Variants in GCM1 observed in about 807,000 individuals in gnomAD.
GCM1 encodes chorion-specific transcription factor GCMa.
A neutral mutation model predicts 25.7 loss-of-function variants in GCM1; 2 were observed. The ratio of observed to expected loss-of-function variants is 0.08; its 90% CI spans 0.03 to 0.24. The LOEUF is 0.24. Ranked by LOEUF, GCM1 falls within the 10% of genes least tolerant of loss-of-function variation. The pLI is 1.00. For missense variants in GCM1, 395 were observed against 538.7 expected (o/e 0.73, Z 2.64); for synonymous variants, 183 against 195.7 (o/e 0.94, Z 0.54).
intron 3 of GCM1, 61 bp downstream of exon 3, chr6:53,134,011 A>G: frequency 6.6e-7 from 1 of 1,516,520 alleles, no homozygotes; most frequent in Non-Finnish European, 9.0e-7. Flanking sequence ...ACAGTGACCC[A>G]TCTGGCAGGG....
At chr6:53,148,653 T>A (rs1172437285) in intron 1 of GCM1, 101 bp downstream of exon 1, 1 of 152,234 alleles carries the variant, frequency 6.6e-6, no homozygotes, top group African/African-American at 2.4e-5. Context: ...TCATCATTTC[T>A]ACAGAAAAAT....
intron 3 of GCM1, 120 bp from the exon 4 acceptor site, chr6:53,132,239 G>A: frequency 1.4e-6 from 1 of 692,830 alleles, no homozygotes; most frequent in South Asian, 1.6e-5. Context: ...TCTGGGCAGA[G>A]TTTCATGGGC....
At chr6:53,147,047 A>G (rs1002632500) in intron 1 of GCM1, among the ~76,000 whole-genome samples, 1 of 152,162 alleles carries the variant, frequency 6.6e-6, no homozygotes, top group African/African-American at 2.4e-5. Flanking sequence ...AAATAAATAA[A>G]TGAATGAATG....
rs746779023 is a variant in GCM1, at chr6:53,130,857, C to A, written c.516G>T (p.Val172=). Residue 172 remains valine (V), a synonymous_variant, in exon 5 of 6, where the codon GTG becomes GTT. Transcript: ENST00000259803. ...EAEARRAMKK[V]NTAPSSVSLS... is the part of the protein sequence containing the mutation. ...ATGAGACGGAGGAAGGTGCTGTGTTCACTTTCTTCATGGCTCTTCTTGCCT... is the reference window on the plus strand; with the variant it reads ...ATGAGACGGAGGAAGGTGCTGTGTTAACTTTCTTCATGGCTCTTCTTGCCT... The A allele has an allele frequency of 3.1e-6, 5 of 1,613,868 alleles. No homozygotes were observed. The highest frequency in any genetic ancestry group is 4.2e-6 in the Non-Finnish European group (5 of 1,179,724).
intron 3 of GCM1, among the ~76,000 whole-genome samples, chr6:53,133,069 A>G (rs1018828306): frequency 2.0e-5 from 3 of 152,226 alleles, no homozygotes; most frequent in African/African-American, 7.2e-5. Flanking sequence ...CATTGAGATC[A>G]CTTAGGGACC....
At chr6:53,139,017 T>C (rs1242256086) in intron 2 of GCM1, among the ~76,000 whole-genome samples, 1 of 152,192 alleles carries the variant, frequency 6.6e-6, no homozygotes, top group Non-Finnish European at 1.5e-5. Context: ...AATATCTACA[T>C]TATCATATGA....
At chr6:53,144,934 T>TAAAA (rs1763931967) in intron 2 of GCM1, among the ~76,000 whole-genome samples, 1 of 64,458 alleles carries the variant, frequency 1.6e-5, no homozygotes. Flanking sequence ...AAAAAAAAAG[T>TAAAA]AGAGGAAGAA....
intron 2 of GCM1, among the ~76,000 whole-genome samples, chr6:53,135,344 G>T (rs1763783699): frequency 6.6e-6 from 1 of 152,158 alleles, no homozygotes; most frequent in African/African-American, 2.4e-5. Flanking sequence ...CAGACACTCA[G>T]TCCTTATAGC....
In GCM1 at chr6:53,128,904, TTAAAGG is replaced by T. The variant is rs1226383225; in HGVS notation, c.607_612del (p.Pro203_Leu204del). On this transcript the variant is annotated inframe_deletion, in exon 6 of 6. Transcript: ENST00000259803. ...TGGACGCCTTCCTGGAAAGACCAAG[TTAAAGG>T]TAAACTCCCCTGACTTTGTGTTTCA... The T allele has an allele frequency of 6.2e-7, 1 of 1,613,234 alleles. No homozygotes were observed. The highest frequency in any genetic ancestry group is 1.1e-5 in the South Asian group (1 of 91,060).
intron 2 of GCM1, among the ~76,000 whole-genome samples, chr6:53,143,826 G>A (rs1389312018): frequency 1.3e-5 from 2 of 151,794 alleles, no homozygotes; most frequent in Non-Finnish European, 2.9e-5. Flanking sequence ...TGGGGTCGGG[G>A]GTGGTGAGAG....
chr6:53,133,566 A>G (rs1015171315), intron 3 of GCM1, among the ~76,000 whole-genome samples: 1 of 151,952 alleles, frequency 6.6e-6, no homozygotes, highest in Non-Finnish European at 1.5e-5. Context: ...ATTATGGCTC[A>G]CTGCAGCCTT....
rs1763652946 is a variant in GCM1 at position 53,127,229 on chromosome 6, A to G, written c.*977T>C. 1 of 152,210 alleles carries G rather than the reference A, an allele frequency of 6.6e-6. No individual in the cohort carries two copies. The highest frequency in any genetic ancestry group is 2.4e-5 in the African/African-American group (1 of 41,432). 9.4% of individuals were successfully genotyped at this position (152,210 alleles called of 1,614,324 possible). ...AAGTCAGTGAGGAAGAGGGAAGGAA[A>G]CAAGAGGCAAGGAGACCACGCACAT... On this transcript the variant is annotated 3_prime_UTR_variant, in exon 6 of 6. Coordinates refer to ENST00000259803, the MANE Select transcript of GCM1 (RefSeq NM_003643.4).
chr6:53,146,584 C>T (rs925716743), intron 1 of GCM1, among the ~76,000 whole-genome samples: 1 of 152,182 alleles, frequency 6.6e-6, no homozygotes, highest in South Asian at 2.1e-4. Flanking sequence ...TGCAATAAAT[C>T]CTGTGCGCAC....
intron 4 of GCM1, 75 bp from the exon 5 acceptor site, chr6:53,131,006 T>G: frequency 7.2e-7 from 1 of 1,383,162 alleles, no homozygotes; most frequent in African/African-American, 1.4e-5. Context: ...TATCAGTTTT[T>G]ATTTACTGTG....
At chr6:53,146,481 A>G (rs1287603622) in intron 1 of GCM1, among the ~76,000 whole-genome samples, 1 of 151,992 alleles carries the variant, frequency 6.6e-6, no homozygotes, top group East Asian at 1.9e-4. Context: ...CGGACTCCCA[A>G]AGTGTTGGGA....
At chr6:53,145,025 GGAA>G (rs1364937753) in intron 2 of GCM1, among the ~76,000 whole-genome samples, 1 of 151,442 alleles carries the variant, frequency 6.6e-6, no homozygotes, top group Non-Finnish European at 1.5e-5. Flanking sequence ...AAAGAAAAAA[GGAA>G]GAAGGCAGGA....
intron 2 of GCM1, among the ~76,000 whole-genome samples, chr6:53,142,165 G>A (rs1292465489): frequency 6.6e-6 from 1 of 151,602 alleles, no homozygotes; most frequent in African/African-American, 2.4e-5. Flanking sequence ...ATTCTGGCAA[G>A]AATATAAAAT....
chr6:53,135,301 A>G (rs544827932), intron 2 of GCM1, among the ~76,000 whole-genome samples: 1 of 152,318 alleles, frequency 6.6e-6, no homozygotes, highest in East Asian at 1.9e-4. Context: ...TTTGACCAAA[A>G]TAAAATAATA....
At position 53,145,598 on chromosome 6, in the gene GCM1, T is replaced by A. The variant is rs200131014; in HGVS notation, c.35A>T (p.Glu12Val). The change falls in exon 2 of 6, where the codon GAG (glutamate) becomes GTG (valine). Residue 12 changes from glutamate to valine, a missense_variant. Physicochemically the swap from Glu to Val is moderately radical, Grantham distance 121. Coordinates refer to ENST00000259803, the MANE Select transcript of GCM1 (RefSeq NM_003643.4). ...ATCATTAATATCCCAGCTTAATATCTCTTTGTCTTCAGAATCAAAGTCGTC... is the reference window on the plus strand; with the variant it reads ...ATCATTAATATCCCAGCTTAATATCACTTTGTCTTCAGAATCAAAGTCGTC... ...EPDDFDSEDKEILSWDINDVK... is the reference protein window; with the variant it reads ...EPDDFDSEDKVILSWDINDVK... 3.7e-5 allele frequency: 60 copies of A among 1,602,918 alleles called. No homozygotes were observed. In the Middle Eastern group the frequency reaches 8.3e-4, roughly 22 times the overall value.
Sources: gnomAD v4.1 joint callset for allele counts (sites outside exome capture counted in the v4.1 genomes callset) on GRCh38, gnomAD v4.1.1 for gene constraint, MANE v1.5 for transcripts, NCBI Gene and HGNC (gene_info 2026-07-23, HGNC 2026-07-21) for gene names.